The following ATP2B2 variants were observed in gnomAD, a reference collection of about 807,000 sequenced individuals.
ATP2B2 encodes the protein ATPase plasma membrane Ca2+ transporting 2.
In ATP2B2, 15 loss-of-function variants were observed where a neutral mutation model predicts 120.0. The ratio of observed to expected loss-of-function variants is 0.12; its 90% CI spans 0.08 to 0.19. The LOEUF (loss-of-function observed/expected upper bound fraction) is 0.19, where lower values mean the gene tolerates loss of function less well. Ranked by LOEUF, ATP2B2 falls within the 10% of genes least tolerant of loss-of-function variation. The probability of loss-of-function intolerance (pLI) is 1.00; values close to 1 mark genes in which losing one functional copy is unlikely to be tolerated. For synonymous variants in ATP2B2, 694 were observed against 700.3 expected (o/e 0.99, Z 0.14); for missense variants, 1,045 against 1,719.8 (o/e 0.61, Z 6.94).
chr3:10,419,248 G>A (rs58095473), intron 2 of ATP2B2, among the ~76,000 whole-genome samples: 23,241 of 152,222 alleles, frequency 0.15, 3,744 homozygotes, highest in African/African-American at 0.41. Flanking sequence ...CCCTGTAAGA[G>A]CCACTTAATG....
chr3:10,606,984 A>G (rs866355775), intron 2 of ATP2B2, among the ~76,000 whole-genome samples: 14 of 142,212 alleles, frequency 9.8e-5, no homozygotes, highest in South Asian at 2.2e-4. Context: ...GAGAGAAAGA[A>G]AGAGAGAGAG....
At chr3:10,585,085 G>T (rs996065109) in intron 2 of ATP2B2, among the ~76,000 whole-genome samples, 8 of 152,016 alleles carry the variant, frequency 5.3e-5, no homozygotes, top group Non-Finnish European at 8.8e-5. Context: ...ACTCTCTCTG[G>T]CTCACACACC....
At chr3:10,554,693 T>C (rs1201186083) in intron 2 of ATP2B2, among the ~76,000 whole-genome samples, 1 of 152,244 alleles carries the variant, frequency 6.6e-6, no homozygotes, top group African/African-American at 2.4e-5. Flanking sequence ...TATGGTTTTT[T>C]GTTACAGCAG....
At chr3:10,494,912 T>C (rs2066081743) in intron 1 of ATP2B2, among the ~76,000 whole-genome samples, 1 of 152,158 alleles carries the variant, frequency 6.6e-6, no homozygotes, top group Non-Finnish European at 1.5e-5. Flanking sequence ...AGTAACTCAC[T>C]GAGGGGGATA....
rs571307994 is a variant in ATP2B2 at position 10,494,212 on chromosome 3, T to TGCTC, written c.-320+11249_-320+11252dup. Among the ~76,000 whole-genome samples the TGCTC allele has an allele frequency of 4.6e-3, 697 of 152,140 alleles. 10 individuals carry two copies. Among genetic ancestry groups the TGCTC allele is most frequent in the Non-Finnish European group, 3.8e-3 (257 of 67,994 alleles). On this transcript the variant is annotated intron_variant, in intron 1 of 22. Coordinates refer to ENST00000360273, the MANE Select transcript of ATP2B2 (RefSeq NM_001001331.4). ...AGATTAAGGGAGAGATGGTGAAAGG[T>TGCTC]GCTCCCTCCCTACTCTGATCCCACG... is the stretch of plus-strand genomic sequence containing the variant.
chr3:10,487,671 T>C (rs1185694964), intron 1 of ATP2B2, among the ~76,000 whole-genome samples: 2 of 152,118 alleles, frequency 1.3e-5, no homozygotes, highest in African/African-American at 2.4e-5. Flanking sequence ...AATGAATAAA[T>C]GAATGAGGAT....
intron 2 of ATP2B2, among the ~76,000 whole-genome samples, chr3:10,545,738 T>A (rs967708124): frequency 1.3e-5 from 2 of 152,218 alleles, no homozygotes; most frequent in Non-Finnish European, 2.9e-5. Flanking sequence ...GTGGTTTTTT[T>A]AAATCATGGC....
At chr3:10,668,830 C>T (rs553262098) in intron 1 of ATP2B2, among the ~76,000 whole-genome samples, 1 of 152,328 alleles carries the variant, frequency 6.6e-6, no homozygotes, top group South Asian at 2.1e-4. Context: ...ATCCCCAGCC[C>T]CTAGCATGGA....
intron 2 of ATP2B2, among the ~76,000 whole-genome samples, chr3:10,558,200 C>T (rs182144409): frequency 6.6e-6 from 1 of 152,350 alleles, no homozygotes; most frequent in Admixed American, 6.5e-5. Context: ...AGCACCCGCA[C>T]TCTCAGACTG....
intron 2 of ATP2B2, among the ~76,000 whole-genome samples, chr3:10,612,678 C>T (rs1486003612): frequency 1.3e-5 from 2 of 152,182 alleles, no homozygotes; most frequent in East Asian, 3.8e-4. Context: ...ACTGCCTGTG[C>T]CACATTTCCA....
intron 12 of ATP2B2, among the ~76,000 whole-genome samples, chr3:10,365,349 G>A (rs991622233): frequency 6.6e-6 from 1 of 152,198 alleles, no homozygotes. Flanking sequence ...GCTGCCAACA[G>A]GACCCCAGGT....
intron 3 of ATP2B2, among the ~76,000 whole-genome samples, chr3:10,526,925 C>T (rs1424798091): frequency 1.3e-5 from 2 of 152,162 alleles, no homozygotes; most frequent in Non-Finnish European, 2.9e-5. Flanking sequence ...GGGATAAGCC[C>T]GTTATGTGTA....
chr3:10,471,113 G>A (rs1180503656), intron 1 of ATP2B2, among the ~76,000 whole-genome samples: 2 of 152,224 alleles, frequency 1.3e-5, no homozygotes, highest in Non-Finnish European at 2.9e-5. Context: ...GACCTGCCCA[G>A]TCCAACTTGC....
intron 1 of ATP2B2, among the ~76,000 whole-genome samples, chr3:10,486,752 C>A (rs2065691152): frequency 6.6e-6 from 1 of 152,150 alleles, no homozygotes; most frequent in Admixed American, 6.5e-5. Flanking sequence ...TAGAGTCTCA[C>A]TCTGTCGCCC....
chr3:10,489,765 C>T (rs1471025888), intron 1 of ATP2B2, among the ~76,000 whole-genome samples: 1 of 152,212 alleles, frequency 6.6e-6, no homozygotes, highest in Non-Finnish European at 1.5e-5. Context: ...AGCCTCCAGC[C>T]TCTAGCCTCC....
chr3:10,535,635 G>A lies in ATP2B2; in HGVS notation c.-414-1502C>T, dbSNP rs975098419. Among the ~76,000 whole-genome samples the A allele has an allele frequency of 4.6e-5, 7 of 152,008 alleles. No homozygotes were observed. In the South Asian group the frequency reaches 1.3e-3, roughly 27 times the overall value. On this transcript the variant is annotated intron_variant, in intron 2 of 21. Coordinates refer to the ATP2B2 transcript ENST00000646379. Reference sequence around the variant, plus strand: ...GAGTCATGTGGTATATAACCTTTTGGGACTGGCTTTTTTCATTCTGCAGAA... The same window carrying A: ...GAGTCATGTGGTATATAACCTTTTGAGACTGGCTTTTTTCATTCTGCAGAA...
At chr3:10,363,235 C>T (rs934563351) in intron 12 of ATP2B2, among the ~76,000 whole-genome samples, 2 of 152,198 alleles carry the variant, frequency 1.3e-5, no homozygotes, top group African/African-American at 4.8e-5. Flanking sequence ...AGGGACCCTC[C>T]CCTTTTCTCT....
intron 16 of ATP2B2, among the ~76,000 whole-genome samples, chr3:10,349,034 G>A (rs1345145718): frequency 6.6e-6 from 1 of 152,190 alleles, no homozygotes; most frequent in Non-Finnish European, 1.5e-5. Context: ...GATGTTCTAG[G>A]GCTGATCTCC....
intron 1 of ATP2B2, among the ~76,000 whole-genome samples, chr3:10,622,782 C>T (rs2069586162): frequency 6.6e-6 from 1 of 152,198 alleles, no homozygotes; most frequent in Admixed American, 6.5e-5. Context: ...GAGCCACTGC[C>T]CCAGAAGAGC....
Sources: gnomAD v4.1 joint callset for allele counts (sites outside exome capture counted in the v4.1 genomes callset) on GRCh38, gnomAD v4.1.1 for gene constraint, MANE v1.5 for transcripts, NCBI Gene and HGNC (gene_info 2026-07-23, HGNC 2026-07-21) for gene names.